The following MPRIP variants were observed in gnomAD, a reference collection of about 807,000 sequenced individuals.
The protein encoded by MPRIP is myosin phosphatase Rho-interacting protein.
A neutral mutation model predicts 234.9 loss-of-function variants in MPRIP; 59 were observed. That is an observed-to-expected ratio of 0.25 (90% CI 0.20 to 0.31). The LOEUF (loss-of-function observed/expected upper bound fraction) is 0.31. MPRIP is among the 10% of genes least tolerant of loss of function. MPRIP has a pLI of 1.00. For missense variants in MPRIP, 2,436 were observed against 3,071.0 expected (o/e 0.79, Z 4.89); for synonymous variants, 1,144 against 1,263.9 (o/e 0.91, Z 2.01).
intron 3 of MPRIP, among the ~76,000 whole-genome samples, chr17:17,091,761 G>A (rs1233355199): frequency 6.6e-6 from 1 of 152,196 alleles, no homozygotes; most frequent in Non-Finnish European, 1.5e-5. Context: ...TGAGAGACAT[G>A]GACTTGCAGT....
intron 23 of MPRIP, chr17:17,180,638 G>A (rs1318619671): frequency 6.2e-7 from 1 of 1,613,984 alleles, no homozygotes; most frequent in Non-Finnish European, 8.5e-7. Flanking sequence ...TGGGATACCT[G>A]AAATGCACCC....
At chr17:17,151,163 G>T (rs1348806090) in intron 12 of MPRIP, among the ~76,000 whole-genome samples, 1 of 152,062 alleles carries the variant, frequency 6.6e-6, no homozygotes, top group East Asian at 1.9e-4. Context: ...GAATCACTGT[G>T]CCCAGTCCTG....
At chr17:17,055,896 C>T (rs1322712829) in intron 1 of MPRIP, among the ~76,000 whole-genome samples, 1 of 152,198 alleles carries the variant, frequency 6.6e-6, no homozygotes, top group East Asian at 1.9e-4. Flanking sequence ...CCACTATTAG[C>T]TCATTTATAT....
chr17:17,091,365 G>C (rs2144144217), intron 3 of MPRIP, among the ~76,000 whole-genome samples: 1 of 152,212 alleles, frequency 6.6e-6, no homozygotes, highest in Non-Finnish European at 1.5e-5. Flanking sequence ...GGGCAGGCAG[G>C]GTCCCCACTA....
chr17:17,156,168 C>T (rs1018233563), intron 13 of MPRIP, among the ~76,000 whole-genome samples: 1 of 152,184 alleles, frequency 6.6e-6, no homozygotes, highest in African/African-American at 2.4e-5. Context: ...TTGGGATGTC[C>T]CAGGGCAGAT....
In MPRIP at chr17:17,191,537, A is replaced by G. The variant is rs2046586182; in HGVS notation, c.*6643A>G. The G allele has an allele frequency of 6.6e-6, 1 of 152,238 alleles. No homozygotes were observed. The highest frequency in any genetic ancestry group is 1.5e-5 in the Non-Finnish European group (1 of 68,034). 9.4% of individuals were successfully genotyped at this position (152,238 alleles called of 1,614,324 possible). On this transcript the variant is annotated 3_prime_UTR_variant, in exon 24 of 24. Transcript: ENST00000651222. ...ATACTTAAGAATTGGAGACTCCAGT[A>G]ATGTAGGATGGCCTGAGAGGACGTC...
At chr17:17,098,395 C>T (rs969038719) in intron 3 of MPRIP, among the ~76,000 whole-genome samples, 1 of 152,186 alleles carries the variant, frequency 6.6e-6, no homozygotes, top group African/African-American at 2.4e-5. Context: ...CCTCTTCCCA[C>T]CCAGGCCTGT....
intron 1 of MPRIP, among the ~76,000 whole-genome samples, chr17:17,054,736 T>C (rs2088642019): frequency 6.6e-6 from 1 of 151,958 alleles, no homozygotes; most frequent in Admixed American, 6.5e-5. Context: ...GGACCTGCTG[T>C]GTAAGGACTG....
At chr17:17,154,121 C>T (rs1472944499) in intron 12 of MPRIP, among the ~76,000 whole-genome samples, 185 bp from the exon 13 acceptor site, 1 of 152,204 alleles carries the variant, frequency 6.6e-6, no homozygotes, top group Non-Finnish European at 1.5e-5. Flanking sequence ...ACAGCTTTGA[C>T]GTCTCCTGCT....
chr17:17,143,714 T>G, intron 9 of MPRIP, 45 bp downstream of exon 9: 1 of 1,331,690 alleles, frequency 7.5e-7, no homozygotes, highest in Non-Finnish European at 1.1e-6. Context: ...CTCCTCTGCT[T>G]CTGGTCACTC....
chr17:17,172,513 C>T (rs1293861927), intron 17 of MPRIP, among the ~76,000 whole-genome samples, 185 bp from the exon 18 acceptor site: 2 of 152,204 alleles, frequency 1.3e-5, no homozygotes, highest in African/African-American at 2.4e-5. Flanking sequence ...ATTCTCCCAG[C>T]CTGCACCCAC....
At chr17:17,163,317 CTTGT>C (rs2144620695) in intron 15 of MPRIP, among the ~76,000 whole-genome samples, 1 of 152,252 alleles carries the variant, frequency 6.6e-6, no homozygotes, top group East Asian at 1.9e-4. Flanking sequence ...TCGGCTCACT[CTTGT>C]TTGTGTTGTT....
intron 1 of MPRIP, among the ~76,000 whole-genome samples, chr17:17,070,638 C>T (rs1221054522): frequency 6.6e-6 from 1 of 152,154 alleles, no homozygotes; most frequent in Non-Finnish European, 1.5e-5. Context: ...GCTGTCTTTC[C>T]CTTTAATTCA....
In MPRIP at chr17:17,165,381, G is replaced by A. The variant is rs1409009427; in HGVS notation, c.3790G>A (p.Glu1264Lys). ...TCTAGGCCTCCCACACACAAGGCTC[G>A]AGGATGAGGACGAGGACCTGGGGGC... is the stretch of plus-strand genomic sequence containing the variant. ...APLGLPHTRL[E>K]DEDEDLGAPP... The change falls in exon 16 of 24, where the codon GAG becomes AAG. Residue 1264 changes from glutamate to lysine, a missense_variant. Physicochemically the swap from Glu to Lys is moderately conservative, Grantham distance 56. Transcript: ENST00000651222. 6 of 1,304,180 alleles carry A rather than the reference G, an allele frequency of 4.6e-6. No homozygotes were observed. The highest frequency in any genetic ancestry group is 1.1e-4 in the East Asian group (2 of 18,028). The allele number at this position is 1,304,180 out of a possible 1,614,324, so 80.8% of individuals were successfully genotyped here. A position where few individuals can be genotyped will look rare whatever the true frequency, so the allele number is the denominator to read the frequency against.
At chr17:17,098,787 G>T (rs930598975) in intron 3 of MPRIP, among the ~76,000 whole-genome samples, 1 of 152,146 alleles carries the variant, frequency 6.6e-6, no homozygotes, top group Admixed American at 6.5e-5. Context: ...CCTCCAGGCT[G>T]CCTGAGGCCC....
intron 1 of MPRIP, among the ~76,000 whole-genome samples, chr17:17,052,213 T>A (rs1177075744): frequency 1.3e-5 from 2 of 152,156 alleles, no homozygotes; most frequent in African/African-American, 4.8e-5. Flanking sequence ...GGCTCCAGAC[T>A]CCACCCTGGC....
At position 17,136,215 on chromosome 17, in the gene MPRIP, C is replaced by G; in HGVS notation, c.505-4C>G. The G allele has an allele frequency of 1.2e-6, 2 of 1,613,858 alleles. No individual in the cohort carries two copies. Among genetic ancestry groups the G allele is most frequent in the South Asian group, 1.1e-5 (1 of 91,068 alleles). ...TTCACAGACACCACTTTCTCCTCCT[C>G]CAGGAGCCTGGGCCTGCCAAGGTGG... On this transcript the variant is annotated splice_polypyrimidine_tract_variant and splice_region_variant and intron_variant, in intron 5 of 23. Coordinates refer to ENST00000651222, the MANE Select transcript of MPRIP (RefSeq NM_001364716.4).
intron 3 of MPRIP, among the ~76,000 whole-genome samples, chr17:17,110,879 G>T (rs922247644): frequency 9.5e-4 from 145 of 152,290 alleles, no homozygotes; most frequent in African/African-American, 3.4e-3. Flanking sequence ...GACACTTAAT[G>T]TGATGTGGGG....
Position 17,138,187 on chromosome 17 carries a change from G to A in MPRIP, c.1008G>A (p.Val336=). ...GCATCTCCCTCAGCTCCCTGGATGT[G>A]GCCAGCCAGCCACCTGCCTACGTGG... ...VCSISLSSLD[V]ASQPPAYVDS... is the part of the protein sequence containing the mutation. Residue 336 remains valine (V), a synonymous_variant, in exon 7 of 24, where the codon GTG becomes GTA. Transcript: ENST00000651222. This position sits in a 1 kb window ranked among gnomAD's most constrained non-coding sequence, Gnocchi z 5.8. The A allele has an allele frequency of 9.9e-7, 1 of 1,010,766 alleles. No homozygotes were observed. The highest frequency in any genetic ancestry group is 1.4e-6 in the Non-Finnish European group (1 of 705,904). The allele number at this position is 1,010,766 out of a possible 1,614,324, so 62.6% of individuals were successfully genotyped here.
Sources: allele counts gnomAD v4.1 joint callset (sites outside exome capture counted in the v4.1 genomes callset), GRCh38; gene constraint gnomAD v4.1.1; non-coding constraint Gnocchi (gnomAD v3.1); transcripts MANE v1.5; gene names NCBI Gene and HGNC (gene_info 2026-07-23, HGNC 2026-07-21).